Variants in NECAP2 observed in about 807,000 individuals in gnomAD.
NECAP2 encodes NECAP endocytosis associated 2.
NECAP2 carries 38 observed loss-of-function variants against 37.8 expected under a neutral mutation model. The observed-to-expected ratio is 1.01, with a 90% CI of 0.78 to 1.32. The LOEUF is 1.32. Ranked by LOEUF, NECAP2 falls within the 40% of genes most tolerant of loss-of-function variation. The pLI, the probability that NECAP2 is intolerant of heterozygous loss-of-function variation, is 0.00. For synonymous variants in NECAP2, 121 were observed against 127.7 expected (o/e 0.95, Z 0.35); for missense variants, 316 against 334.5 (o/e 0.94, Z 0.43).
rs199864706 is a variant in NECAP2, at chr1:16,453,272, G to C, written c.667+1257G>C. ...TTACAGGCATGTGCCTCCACACCCA[G>C]CTAATTTTGTAATTTTAGTAGAGAC... On this transcript the variant is annotated intron_variant, in intron 6 of 7. Transcript: ENST00000337132. Among the ~76,000 whole-genome samples the C allele has an allele frequency of 5.9e-5, 9 of 151,878 alleles. No homozygotes were observed. In the East Asian group the frequency reaches 1.8e-3, roughly 30 times the overall value.
chr1:16,442,952 G>C (rs2086709742), intron 1 of NECAP2, among the ~76,000 whole-genome samples: 1 of 152,210 alleles, frequency 6.6e-6, no homozygotes, highest in Non-Finnish European at 1.5e-5. Flanking sequence ...AGGCATTGCT[G>C]TAGGTTCATG....
intron 2 of NECAP2, among the ~76,000 whole-genome samples, chr1:16,444,097 G>A (rs1000405626): frequency 2.0e-5 from 3 of 152,170 alleles, no homozygotes; most frequent in Non-Finnish European, 4.4e-5. Context: ...GCTTCCTACT[G>A]AGGAATTGTT....
At chr1:16,444,639 C>A (rs142555502) in intron 2 of NECAP2, among the ~76,000 whole-genome samples, 32 of 152,298 alleles carry the variant, frequency 2.1e-4, no homozygotes, top group Middle Eastern at 6.8e-3. Context: ...GACTGCGAGG[C>A]AACCCAAAGC....
intron 2 of NECAP2, among the ~76,000 whole-genome samples, chr1:16,445,956 C>T (rs1201021474): frequency 3.9e-5 from 6 of 152,098 alleles, no homozygotes; most frequent in African/African-American, 1.4e-4. Flanking sequence ...CGCCTGTAAT[C>T]CCAGCACTTT....
At chr1:16,451,173 C>CA (rs1420884097) in intron 5 of NECAP2, 1 of 152,178 alleles carries the variant, frequency 6.6e-6, no homozygotes, top group Non-Finnish European at 1.5e-5. Flanking sequence ...TTCTTTTACT[C>CA]AATGTAATTT....
Position 16,452,026 on chromosome 1 carries a change from A to G in NECAP2, c.667+11A>G, listed in dbSNP as rs748303039. 4 of 1,555,242 alleles carry G rather than the reference A, an allele frequency of 2.6e-6. No homozygotes were observed. The East Asian group carries it at 9.1e-5, about 35-fold the overall frequency. ...TTGCTCCCAGTTCAGGTTAGTGCTCAGTGGGTGACTGCTGCATCAGTACCT... is the reference window on the plus strand; with the variant it reads ...TTGCTCCCAGTTCAGGTTAGTGCTCGGTGGGTGACTGCTGCATCAGTACCT... On this transcript the variant is annotated intron_variant, in intron 6 of 7. Transcript: ENST00000337132.
intron 7 of NECAP2, among the ~76,000 whole-genome samples, chr1:16,458,245 A>G (rs559652350): frequency 2.6e-5 from 4 of 152,238 alleles, no homozygotes; most frequent in African/African-American, 9.6e-5. Context: ...CTCAAAGAGC[A>G]TGTTTATGTA....
At chr1:16,453,086 G>A (rs2086869804) in intron 6 of NECAP2, among the ~76,000 whole-genome samples, 1 of 151,864 alleles carries the variant, frequency 6.6e-6, no homozygotes, top group African/African-American at 2.4e-5. Context: ...GGGGGATGGG[G>A]GCAAGAATCT....
At chr1:16,453,315 G>C (rs891109939) in intron 6 of NECAP2, among the ~76,000 whole-genome samples, 10 of 151,842 alleles carry the variant, frequency 6.6e-5, no homozygotes, top group South Asian at 2.1e-4. Context: ...CTCCATGTTG[G>C]TCAGGCTGGT....
At chr1:16,453,781 C>T (rs2086880211) in intron 6 of NECAP2, among the ~76,000 whole-genome samples, 1 of 152,016 alleles carries the variant, frequency 6.6e-6, no homozygotes, top group South Asian at 2.1e-4. Flanking sequence ...GCCACCGTGC[C>T]TGGCCTTGCT....
chr1:16,443,600 T>C, intron 1 of NECAP2, 32 bp from the exon 2 acceptor site: 2 of 1,540,794 alleles, frequency 1.3e-6, no homozygotes, highest in Non-Finnish European at 1.8e-6. Context: ...CAGGAGCCTC[T>C]GGCAGAGATT....
intron 2 of NECAP2, 50 bp downstream of exon 2, chr1:16,443,782 T>C (rs2086723079): frequency 3.4e-6 from 5 of 1,459,746 alleles, no homozygotes; most frequent in African/African-American, 1.4e-5. Flanking sequence ...CCCCACTTTA[T>C]GAAGGGAGAG....
At chr1:16,440,911 GAC>G in intron 1 of NECAP2, 58 bp downstream of exon 1, 2 of 1,471,298 alleles carry the variant, frequency 1.4e-6, no homozygotes, top group Non-Finnish European at 1.9e-6. Context: ...CCGCCACCCG[GAC>G]ACACCCACTG....
Position 16,459,069 on chromosome 1 carries a change from C to G in NECAP2, c.*179C>G. On this transcript the variant is annotated 3_prime_UTR_variant, in exon 8 of 8. Coordinates refer to ENST00000337132, the MANE Select transcript of NECAP2 (RefSeq NM_018090.5). The stretch of plus-strand genomic sequence containing the variant: ...TTGGCAGTAAATTGGCACCGTGTCA[C>G]ACTGTTTCCTGGGATTCAAGTATGC... 7.0e-7 allele frequency: 1 copy of G among 1,423,388 alleles called. No homozygotes were observed. Among genetic ancestry groups the G allele is most frequent in the Non-Finnish European group, 9.5e-7 (1 of 1,057,160 alleles). The allele number at this position is 1,423,388 out of a possible 1,614,324, so 88.2% of individuals were successfully genotyped here. A position where few individuals can be genotyped will look rare whatever the true frequency, so the allele number is the denominator to read the frequency against.
intron 6 of NECAP2, among the ~76,000 whole-genome samples, chr1:16,455,260 TGGAGAGATA>T (rs1361906815): frequency 6.6e-6 from 1 of 152,164 alleles, no homozygotes; most frequent in Non-Finnish European, 1.5e-5. Flanking sequence ...CCTACCTTGG[TGGAGAGATA>T]GGATTGAGCT....
At chr1:16,445,350 G>T (rs767130521) in intron 2 of NECAP2, among the ~76,000 whole-genome samples, 1 of 152,224 alleles carries the variant, frequency 6.6e-6, no homozygotes, top group African/African-American at 2.4e-5. Flanking sequence ...GAGCTGTGGA[G>T]CCCAGTGAGG....
At position 16,440,825 on chromosome 1, in the gene NECAP2, C is replaced by T. The variant is rs749644712; in HGVS notation, c.64C>T (p.Pro22Ser). ...VKPDVHVYRIPPRATNRGYRA... is the reference protein window; with the variant it reads ...VKPDVHVYRISPRATNRGYRA... ...GCCTGACGTCCACGTCTACCGCATC[C>T]CTCCGCGGGCTACCAACCGTGGCTA... Residue 22 changes from proline to serine, a missense_variant, in exon 1 of 8, where the codon CCT becomes TCT. Pro to Ser is a moderately conservative substitution (Grantham distance 74). Coordinates refer to ENST00000337132, the MANE Select transcript of NECAP2 (RefSeq NM_018090.5). The T allele has an allele frequency of 2.5e-6, 4 of 1,614,158 alleles. No individual in the cohort carries two copies. Among genetic ancestry groups the T allele is most frequent in the East Asian group, 2.2e-5 (1 of 44,878 alleles).
At chr1:16,447,755 G>C in intron 2 of NECAP2, 115 bp from the exon 3 acceptor site, 1 of 774,480 alleles carries the variant, frequency 1.3e-6, no homozygotes. Context: ...AAGGTTTGCC[G>C]ATCTGTCTCA....
chr1:16,444,423 G>A (rs1200257924), intron 2 of NECAP2, among the ~76,000 whole-genome samples: 1 of 152,200 alleles, frequency 6.6e-6, no homozygotes, highest in Non-Finnish European at 1.5e-5. Flanking sequence ...CCTTTGTAGA[G>A]CAGAAGAGAA....
Sources: allele counts gnomAD v4.1 joint callset (sites outside exome capture counted in the v4.1 genomes callset), GRCh38; gene constraint gnomAD v4.1.1; transcripts MANE v1.5; gene names NCBI Gene and HGNC (gene_info 2026-07-23, HGNC 2026-07-21).